Variants in AKAP7 observed in about 807,000 individuals in gnomAD.
AKAP7 encodes the protein A kinase (PRKA) anchor protein 7.
In AKAP7, 39 loss-of-function variants were observed where a neutral mutation model predicts 39.5. That is an observed-to-expected ratio of 0.99 (90% CI 0.76 to 1.29). The LOEUF (loss-of-function observed/expected upper bound fraction) is 1.29. Ranked by LOEUF, AKAP7 falls within the 50% of genes most tolerant of loss-of-function variation. AKAP7 has a pLI of 0.00. For missense variants in AKAP7, 414 were observed against 407.7 expected, an observed-to-expected ratio of 1.02 and a Z score of -0.13; for synonymous variants, 140 against 139.1, an observed-to-expected ratio of 1.01 and a Z score of -0.05.
chr6:131,248,436 G>T (rs1025825710), intron 7 of AKAP7, among the ~76,000 whole-genome samples: 3 of 152,162 alleles, frequency 2.0e-5, no homozygotes, highest in Non-Finnish European at 4.4e-5. Flanking sequence ...AGTGAAGAAC[G>T]TTCCCTGCAA....
At chr6:131,150,669 C>T (rs895816198) in intron 2 of AKAP7, among the ~76,000 whole-genome samples, 1 of 152,076 alleles carries the variant, frequency 6.6e-6, no homozygotes. Flanking sequence ...ATTAATACAA[C>T]ACATATTTAT....
intron 2 of AKAP7, among the ~76,000 whole-genome samples, chr6:131,150,636 A>G (rs1801839027): frequency 6.6e-6 from 1 of 152,244 alleles, no homozygotes; most frequent in Admixed American, 6.5e-5. Flanking sequence ...ATGAATAAAA[A>G]TTGGAACAAG....
At chr6:131,135,892 C>G (rs2128221258) in intron 1 of AKAP7, 110 bp downstream of exon 1, 2 of 1,141,390 alleles carry the variant, frequency 1.8e-6, no homozygotes, top group Middle Eastern at 6.8e-4. Flanking sequence ...CGGCCCTTCT[C>G]CGAGTCTCCC....
chr6:131,280,856 AG>A (rs1815140505), intron 7 of AKAP7, among the ~76,000 whole-genome samples: 1 of 152,248 alleles, frequency 6.6e-6, no homozygotes, highest in African/African-American at 2.4e-5. Flanking sequence ...TATCACTCCC[AG>A]GGAAGTAAAA....
intron 7 of AKAP7, among the ~76,000 whole-genome samples, chr6:131,266,817 T>C (rs1190996236): frequency 6.6e-6 from 1 of 152,184 alleles, no homozygotes; most frequent in Non-Finnish European, 1.5e-5. Flanking sequence ...AATCAACTTA[T>C]CTTCAAGTTC....
At chr6:131,161,177 G>A (rs1802905559) in intron 3 of AKAP7, among the ~76,000 whole-genome samples, 1 of 152,046 alleles carries the variant, frequency 6.6e-6, no homozygotes, top group South Asian at 2.1e-4. Context: ...AATTATTTTG[G>A]GTCATTCTAG....
intron 7 of AKAP7, chr6:131,252,952 C>T (rs1812553579): frequency 2.1e-6 from 3 of 1,397,458 alleles, no homozygotes; most frequent in African/African-American, 1.4e-5. Flanking sequence ...TAGAATGTTC[C>T]TCCTTGAAGG....
At chr6:131,135,461 C>T (rs1800443165), upstream of AKAP7, among the ~76,000 whole-genome samples, 2 of 151,840 alleles carry the variant, frequency 1.3e-5, no homozygotes, top group Admixed American at 1.3e-4. Context: ...CTCGGGTCGG[C>T]CCCTTCTGGC....
intron 5 of AKAP7, among the ~76,000 whole-genome samples, chr6:131,192,748 T>C (rs1806543654): frequency 6.6e-6 from 1 of 152,238 alleles, no homozygotes; most frequent in Admixed American, 6.5e-5. Context: ...TTTGGTGCTG[T>C]CTTCAATTTA....
chr6:131,207,396 C>T (rs1048322786), intron 6 of AKAP7, among the ~76,000 whole-genome samples: 3 of 149,564 alleles, frequency 2.0e-5, no homozygotes, highest in African/African-American at 2.5e-5. Context: ...CATAGCTGAT[C>T]GCAGCCTCCA....
At chr6:131,247,303 A>T (rs1337438758) in intron 7 of AKAP7, among the ~76,000 whole-genome samples, 6 of 48,172 alleles carry the variant, frequency 1.2e-4, no homozygotes, top group South Asian at 5.6e-4. Flanking sequence ...ATATATATAT[A>T]TATATATATA....
chr6:131,145,828 A>G (rs1801438345), intron 2 of AKAP7, among the ~76,000 whole-genome samples: 2 of 152,182 alleles, frequency 1.3e-5, no homozygotes, highest in South Asian at 4.1e-4. Context: ...TGCTGGGATT[A>G]CAGATGTGAA....
intron 6 of AKAP7, among the ~76,000 whole-genome samples, chr6:131,204,246 T>C (rs1033764712): frequency 2.9e-4 from 44 of 152,136 alleles, no homozygotes; most frequent in African/African-American, 7.7e-4. Flanking sequence ...TGAAGTATTA[T>C]CAATAATAGG....
intron 2 of AKAP7, among the ~76,000 whole-genome samples, chr6:131,149,902 C>T (rs1801784750): frequency 6.6e-6 from 1 of 152,152 alleles, no homozygotes; most frequent in East Asian, 1.9e-4. Flanking sequence ...TAGTATGCTT[C>T]CCACAGTGTG....
chr6:131,150,651 A>G (rs535239030), intron 2 of AKAP7, among the ~76,000 whole-genome samples: 14 of 152,348 alleles, frequency 9.2e-5, no homozygotes, highest in African/African-American at 3.4e-4. Context: ...AACAAGCCCA[A>G]TCACTAAATT....
At chr6:131,273,499 C>T (rs921520197) in intron 7 of AKAP7, among the ~76,000 whole-genome samples, 4 of 151,764 alleles carry the variant, frequency 2.6e-5, no homozygotes, top group Admixed American at 1.3e-4. Context: ...TTTGTTTTTA[C>T]GTTAGTGGTT....
At chr6:131,240,359 C>T (rs1251985028) in intron 7 of AKAP7, among the ~76,000 whole-genome samples, 1 of 152,204 alleles carries the variant, frequency 6.6e-6, no homozygotes, top group African/African-American at 2.4e-5. Context: ...GGGTCAGGGA[C>T]CCACTTGAGG....
At chr6:131,269,093 C>CT (rs1179769629) in intron 7 of AKAP7, among the ~76,000 whole-genome samples, 4 of 152,174 alleles carry the variant, frequency 2.6e-5, no homozygotes, top group Admixed American at 1.3e-4. Context: ...GTCTCACTCA[C>CT]TTTCTTTCGC....
At chr6:131,197,010 C>G (rs1807003487) in intron 5 of AKAP7, among the ~76,000 whole-genome samples, 1 of 152,044 alleles carries the variant, frequency 6.6e-6, no homozygotes, top group African/African-American at 2.4e-5. Context: ...CCAAAGTATT[C>G]TATACTATTT....
Sources: allele counts gnomAD v4.1 joint callset (sites outside exome capture counted in the v4.1 genomes callset), GRCh38; gene constraint gnomAD v4.1.1; transcripts MANE v1.5; gene names NCBI Gene and HGNC (gene_info 2026-07-23, HGNC 2026-07-21).